Variants in CAMK4 observed in about 807,000 individuals in gnomAD.
CAMK4 encodes calcium/calmodulin dependent protein kinase IV.
A neutral mutation model predicts 44.9 loss-of-function variants in CAMK4; 22 were observed. The ratio of observed to expected loss-of-function variants is 0.49; its 90% confidence interval spans 0.35 to 0.70. The LOEUF (loss-of-function observed/expected upper bound fraction) is 0.70, where lower values mean the gene tolerates loss of function less well. Among genes scored for constraint, CAMK4 ranks in the 30% least tolerant of loss-of-function variants. The pLI, the probability that CAMK4 is intolerant of heterozygous loss-of-function variation, is 0.01. For missense variants in CAMK4, 498 were observed against 586.8 expected (o/e 0.85, Z 1.56); for synonymous variants, 218 against 215.4 (o/e 1.01, Z -0.11).
At chr5:111,375,360 A>C (rs1337956963) in intron 3 of CAMK4, among the ~76,000 whole-genome samples, 3 of 152,190 alleles carry the variant, frequency 2.0e-5, no homozygotes, top group Non-Finnish European at 4.4e-5. Context: ...GATGTACTTG[A>C]ATGCAGAAAA....
At chr5:111,422,387 A>G (rs1025585178) in intron 5 of CAMK4, among the ~76,000 whole-genome samples, 1 of 152,210 alleles carries the variant, frequency 6.6e-6, no homozygotes, top group Non-Finnish European at 1.5e-5. Context: ...ACAATTATGA[A>G]CAAACTGAAA....
chr5:111,467,922 G>A (rs1160683636), intron 7 of CAMK4, among the ~76,000 whole-genome samples: 2 of 121,108 alleles, frequency 1.7e-5, no homozygotes, highest in African/African-American at 3.1e-5. Context: ...CAGTGAGTTC[G>A]TAAAGAAATT....
At chr5:111,346,886 T>C (rs1749895822) in intron 2 of CAMK4, among the ~76,000 whole-genome samples, 1 of 151,770 alleles carries the variant, frequency 6.6e-6, no homozygotes, top group Non-Finnish European at 1.5e-5. Context: ...AAGTGAGGCG[T>C]TTATTGCAGG....
intron 2 of CAMK4, among the ~76,000 whole-genome samples, chr5:111,371,910 A>C (rs972305344): frequency 6.6e-6 from 1 of 152,158 alleles, no homozygotes; most frequent in Non-Finnish European, 1.5e-5. Flanking sequence ...TGCTGCCCAG[A>C]AGTAGAGAAA....
chr5:111,265,168 C>A (rs908714059), intron 1 of CAMK4, among the ~76,000 whole-genome samples: 3 of 152,222 alleles, frequency 2.0e-5, no homozygotes, highest in African/African-American at 7.2e-5. Context: ...TCTGCTATAA[C>A]CCAAGCACCA....
intron 2 of CAMK4, among the ~76,000 whole-genome samples, chr5:111,346,480 C>A: frequency 2.2e-5 from 1 of 46,016 alleles, no homozygotes; most frequent in East Asian, 8.7e-4. Context: ...AGGCTTGAAA[C>A]TTTATCTATC....
chr5:111,422,857 A>G (rs1472247824), intron 5 of CAMK4, among the ~76,000 whole-genome samples: 1 of 152,152 alleles, frequency 6.6e-6, no homozygotes, highest in Non-Finnish European at 1.5e-5. Flanking sequence ...AGTTTGTAGC[A>G]CTTACCATGC....
intron 1 of CAMK4, among the ~76,000 whole-genome samples, chr5:111,242,004 A>G (rs1213094384): frequency 6.6e-6 from 1 of 152,148 alleles, no homozygotes; most frequent in East Asian, 1.9e-4. Context: ...CTTATTTAAG[A>G]TGGACTGTTG....
chr5:111,374,112 A>T (rs1751118674), intron 2 of CAMK4, among the ~76,000 whole-genome samples: 2 of 152,190 alleles, frequency 1.3e-5, no homozygotes, highest in South Asian at 2.1e-4. Context: ...AGTGGCTCAT[A>T]TAATTAGAAG....
At chr5:111,293,143 A>C (rs976944862) in intron 1 of CAMK4, among the ~76,000 whole-genome samples, 1 of 152,184 alleles carries the variant, frequency 6.6e-6, no homozygotes, top group Non-Finnish European at 1.5e-5. Flanking sequence ...TTTAAAAGGA[A>C]GTAAAGCAGC....
intron 5 of CAMK4, among the ~76,000 whole-genome samples, chr5:111,406,241 A>T (rs1367737490): frequency 7.4e-6 from 1 of 135,928 alleles, no homozygotes; most frequent in Admixed American, 7.3e-5. Flanking sequence ...GGTTTTTTAG[A>T]CAGAGTCTTG....
At chr5:111,364,877 A>C (rs1275771465) in intron 2 of CAMK4, 1 of 152,110 alleles carries the variant, frequency 6.6e-6, no homozygotes, top group Non-Finnish European at 1.5e-5. Context: ...GCTTCATGTT[A>C]GTCAGTGTTA....
At position 111,484,533 on chromosome 5, in the gene CAMK4, G is replaced by C. The variant is rs1267242449; in HGVS notation, c.*67G>C. 15 of 1,128,588 alleles carry C rather than the reference G, an allele frequency of 1.3e-5. No individual in the cohort carries two copies. The Admixed American group carries it at 4.0e-4, about 30-fold the overall frequency. The allele number at this position is 1,128,588 out of a possible 1,614,324, so 69.9% of individuals were successfully genotyped here. A position where few individuals can be genotyped will look rare whatever the true frequency, so the allele number is the denominator to read the frequency against. ...TGTACTTTGTCCTTCAGCAAGAAAG[G>C]TGTGGAAGCATGATATGTACTATAG... On this transcript the variant is annotated 3_prime_UTR_variant, in exon 11 of 11. Coordinates refer to ENST00000282356, the MANE Select transcript of CAMK4 (RefSeq NM_001744.6). The surrounding 1 kb of genome is among the most constrained non-coding windows in gnomAD (Gnocchi z 5.3).
chr5:111,314,410 A>G (rs1748334729), intron 1 of CAMK4, among the ~76,000 whole-genome samples: 1 of 152,096 alleles, frequency 6.6e-6, no homozygotes, highest in Admixed American at 6.6e-5. Flanking sequence ...ACATATTACA[A>G]CAGAGCTTTA....
intron 6 of CAMK4, among the ~76,000 whole-genome samples, chr5:111,447,436 T>C (rs1021206557): frequency 4.6e-5 from 7 of 152,210 alleles, no homozygotes; most frequent in Admixed American, 4.6e-4. Flanking sequence ...TAAATTTACA[T>C]ATTATATCAT....
rs530087257 is a variant in CAMK4, at chr5:111,441,421, T to C, written c.460-5265T>C. 3.9e-5 allele frequency among the ~76,000 whole-genome samples: 6 copies of C among 152,308 alleles called. No individual in the cohort carries two copies. The East Asian group carries it at 1.2e-3, about 29-fold the overall frequency. On this transcript the variant is annotated intron_variant, in intron 5 of 10. Coordinates refer to ENST00000282356, the MANE Select transcript of CAMK4 (RefSeq NM_001744.6). ...TACTATTTCTTTTCCTCCTCTTCCT[T>C]ATTTTTATTCCTTAAAGTTTTCATT...
chr5:111,330,168 T>C (rs1749103245), intron 1 of CAMK4, among the ~76,000 whole-genome samples: 1 of 149,548 alleles, frequency 6.7e-6, no homozygotes, highest in Non-Finnish European at 1.5e-5. Flanking sequence ...AAGATAAATG[T>C]CACCATACAA....
At chr5:111,470,621 A>C (rs1191912644) in intron 7 of CAMK4, among the ~76,000 whole-genome samples, 2 of 152,244 alleles carry the variant, frequency 1.3e-5, no homozygotes, top group East Asian at 3.8e-4. Flanking sequence ...AACCATGTCA[A>C]TGCAGTCTTT....
intron 7 of CAMK4, among the ~76,000 whole-genome samples, chr5:111,470,821 G>T (rs1755037983): frequency 6.6e-6 from 1 of 152,206 alleles, no homozygotes; most frequent in African/African-American, 2.4e-5. Flanking sequence ...GGTGGAGAAG[G>T]ATTCTCTGGT....
Sources: allele counts gnomAD v4.1 joint callset (sites outside exome capture counted in the v4.1 genomes callset), GRCh38; gene constraint gnomAD v4.1.1; non-coding constraint Gnocchi (gnomAD v3.1); transcripts MANE v1.5; gene names NCBI Gene and HGNC (gene_info 2026-07-23, HGNC 2026-07-21).